Variants in AFG1L observed in about 807,000 individuals in gnomAD.
AFG1L encodes AFG1 like ATPase.
AFG1L carries 53 observed loss-of-function variants against 62.2 expected under a neutral mutation model. The ratio of observed to expected loss-of-function variants is 0.85; its 90% confidence interval spans 0.68 to 1.07. AFG1L has a LOEUF of 1.07. Ranked by LOEUF, AFG1L falls within the 50% of genes least tolerant of loss-of-function variation. The pLI, the probability that AFG1L is intolerant of heterozygous loss-of-function variation, is 0.00. For missense variants in AFG1L, 555 were observed against 590.5 expected (o/e 0.94, Z 0.62); for synonymous variants, 228 against 210.3 (o/e 1.08, Z -0.73).
intron 8 of AFG1L, among the ~76,000 whole-genome samples, chr6:108,464,401 A>G (rs1331841989): frequency 6.6e-6 from 1 of 152,176 alleles, no homozygotes; most frequent in Non-Finnish European, 1.5e-5. Context: ...CAAAATGGAA[A>G]TGACTTGATT....
chr6:108,403,085 TA>T (rs1781701412), intron 7 of AFG1L, among the ~76,000 whole-genome samples: 1 of 152,180 alleles, frequency 6.6e-6, no homozygotes, highest in Admixed American at 6.5e-5. Flanking sequence ...TGTGTTGCAT[TA>T]GGCATAATGG....
At chr6:108,389,143 G>T (rs989837883) in intron 6 of AFG1L, among the ~76,000 whole-genome samples, 1 of 152,040 alleles carries the variant, frequency 6.6e-6, no homozygotes, top group Non-Finnish European at 1.5e-5. Context: ...GGCCTTCTTT[G>T]TCTCTTTTGA....
At position 108,485,652 on chromosome 6, in the gene AFG1L, ATATATTTTTTTTTTTTT is replaced by A. The variant is rs1441754192; in HGVS notation, c.1062+8362_1062+8378del. ...TATATATATATATATATATATATAT[ATATATTTTTTTTTTTTT>A]TTTTTTTTTTTTTTTTTGAGAGAGA... is the stretch of plus-strand genomic sequence containing the variant. On this transcript the variant is annotated intron_variant, in intron 10 of 12. Transcript: ENST00000368977. Among the ~76,000 whole-genome samples the A allele has an allele frequency of 2.6e-4, 6 of 22,728 alleles. No homozygotes were observed. In the East Asian group the frequency reaches 5.3e-3, roughly 20 times the overall value. The allele number at this position is 22,728 out of a possible 152,430, so 14.9% of individuals were successfully genotyped here. A position where few individuals can be genotyped will look rare whatever the true frequency, so the allele number is the denominator to read the frequency against.
At chr6:108,462,074 G>A (rs1337478466) in intron 8 of AFG1L, among the ~76,000 whole-genome samples, 1 of 151,636 alleles carries the variant, frequency 6.6e-6, no homozygotes, top group Admixed American at 6.6e-5. Flanking sequence ...TAGCCTGGGC[G>A]ACAGAGCAAG....
intron 6 of AFG1L, among the ~76,000 whole-genome samples, chr6:108,397,003 C>T (rs189022756): frequency 1.3e-5 from 2 of 152,008 alleles, no homozygotes; most frequent in Non-Finnish European, 2.9e-5. Flanking sequence ...CTGTCAAATA[C>T]TAGGCCTTTT....
chr6:108,398,734 C>T (rs996030923), intron 6 of AFG1L, among the ~76,000 whole-genome samples: 19 of 152,050 alleles, frequency 1.2e-4, no homozygotes, highest in Non-Finnish European at 2.1e-4. Context: ...ATTCTTGGCA[C>T]CTTTGTCAAA....
At chr6:108,500,723 A>G (rs759006568) in intron 10 of AFG1L, among the ~76,000 whole-genome samples, 1 of 152,168 alleles carries the variant, frequency 6.6e-6, no homozygotes, top group Non-Finnish European at 1.5e-5. Context: ...TCTTTGAGAA[A>G]TCTCCATACT....
intron 7 of AFG1L, among the ~76,000 whole-genome samples, chr6:108,412,718 C>G (rs973247225): frequency 5.3e-5 from 8 of 152,062 alleles, no homozygotes; most frequent in Non-Finnish European, 1.0e-4. Flanking sequence ...CAACTGCTGA[C>G]AGGTTTTGTC....
rs549689011 is a variant in AFG1L at position 108,487,376 on chromosome 6, C to A, written c.1062+10084C>A. Among the ~76,000 whole-genome samples the A allele has an allele frequency of 1.3e-4, 20 of 152,284 alleles. 1 individual carries two copies. Among genetic ancestry groups the A allele is most frequent in the Admixed American group, 1.2e-3 (19 of 15,298 alleles). On this transcript the variant is annotated intron_variant, in intron 10 of 12. Transcript: ENST00000368977. ...GGGCAACATAGCAAGACTCTGACTA[C>A]CCCCACCAAAAAAAGATACTATTTT...
intron 8 of AFG1L, among the ~76,000 whole-genome samples, chr6:108,453,753 G>A (rs1772147807): frequency 6.6e-6 from 1 of 152,186 alleles, no homozygotes; most frequent in African/African-American, 2.4e-5. Flanking sequence ...CTCTAAGGTT[G>A]CCACCTTCTG....
chr6:108,469,190 T>C (rs1001052630), intron 8 of AFG1L, among the ~76,000 whole-genome samples: 1 of 152,114 alleles, frequency 6.6e-6, no homozygotes, highest in African/African-American at 2.4e-5. Context: ...TCACTGGAGA[T>C]CTCCAAATGT....
intron 7 of AFG1L, among the ~76,000 whole-genome samples, chr6:108,405,772 A>G (rs1432494190): frequency 6.6e-6 from 1 of 152,218 alleles, no homozygotes; most frequent in African/African-American, 2.4e-5. Flanking sequence ...TACTCACTAA[A>G]TGATAACCAC....
chr6:108,495,756 G>A (rs751088352), intron 10 of AFG1L, among the ~76,000 whole-genome samples: 18 of 152,166 alleles, frequency 1.2e-4, no homozygotes, highest in African/African-American at 2.4e-5. Flanking sequence ...TAGATTTAAA[G>A]TTCTTTAAGT....
At chr6:108,344,758 C>T (rs537742159) in intron 2 of AFG1L, 2 of 471,128 alleles carry the variant, frequency 4.2e-6, no homozygotes, top group African/African-American at 2.0e-5. Flanking sequence ...CCCTGTCATA[C>T]CTTGTTTTTT....
Position 108,407,761 on chromosome 6 carries a change from G to A in AFG1L, c.807+5707G>A, listed in dbSNP as rs896189930. Among the ~76,000 whole-genome samples, 12 of 151,532 alleles carry A rather than the reference G, an allele frequency of 7.9e-5. No individual in the cohort carries two copies. In the East Asian group the frequency reaches 2.3e-3, roughly 29 times the overall value. Reference sequence around the variant, plus strand: ...CTGTTGTTCTTCAGGTCTTGAACAGGTCTAGCTGTTTTTCCTTCTTTCTAC... The same window carrying A: ...CTGTTGTTCTTCAGGTCTTGAACAGATCTAGCTGTTTTTCCTTCTTTCTAC... On this transcript the variant is annotated intron_variant, in intron 7 of 12. Coordinates refer to ENST00000368977, the MANE Select transcript of AFG1L (RefSeq NM_145315.5).
At chr6:108,506,430 A>C (rs1774423561) in intron 10 of AFG1L, among the ~76,000 whole-genome samples, 1 of 152,216 alleles carries the variant, frequency 6.6e-6, no homozygotes. Context: ...GCTGGTCTCC[A>C]ACTCCTGAGC....
intron 10 of AFG1L, among the ~76,000 whole-genome samples, chr6:108,508,578 T>C (rs1582681978): frequency 6.6e-6 from 1 of 152,170 alleles, no homozygotes; most frequent in African/African-American, 2.4e-5. Context: ...TTTGTGCCCA[T>C]TGCCTAGGTC....
In AFG1L at chr6:108,346,219, G is replaced by A. The variant is rs531154703; in HGVS notation, c.364-769G>A. 7.2e-5 allele frequency among the ~76,000 whole-genome samples: 11 copies of A among 152,154 alleles called. No individual in the cohort carries two copies. The South Asian group carries it at 1.2e-3, about 17-fold the overall frequency. On this transcript the variant is annotated intron_variant, in intron 2 of 12. Transcript: ENST00000368977. ...CATTTTTTAAGAGTACAGTTCAGTG[G>A]TATTAAATACATTCTTAATGTCATG...
intron 1 of AFG1L, among the ~76,000 whole-genome samples, chr6:108,296,730 T>C (rs1439771214): frequency 1.3e-5 from 2 of 152,230 alleles, no homozygotes; most frequent in African/African-American, 4.8e-5. Flanking sequence ...GTTTTAAAAA[T>C]AGTATTCCAT....
Sources: allele counts gnomAD v4.1 joint callset (sites outside exome capture counted in the v4.1 genomes callset), GRCh38; gene constraint gnomAD v4.1.1; transcripts MANE v1.5; gene names NCBI Gene and HGNC (gene_info 2026-07-23, HGNC 2026-07-21).